Variants in TSHR observed in about 807,000 individuals in gnomAD.
The protein encoded by TSHR is thyrotropin receptor.
Under a neutral mutation model 64.1 loss-of-function variants are expected in TSHR, and 51 were observed. That is an observed-to-expected ratio of 0.80 (90% CI 0.64 to 1.01). TSHR has a LOEUF of 1.01. Among genes scored for constraint, TSHR ranks in the 50% least tolerant of loss-of-function variants. The pLI is 0.00. For missense variants in TSHR, 877 were observed against 942.8 expected (o/e 0.93, Z 0.91); for synonymous variants, 361 against 361.9 (o/e 1.00, Z 0.03).
At chr14:81,047,885 A>C (rs1594998401) in intron 1 of TSHR, among the ~76,000 whole-genome samples, 1 of 152,032 alleles carries the variant, frequency 6.6e-6, no homozygotes, top group Non-Finnish European at 1.5e-5. Context: ...TGACCTCATG[A>C]TCCACCCACC....
chr14:80,967,686 G>A (rs1252419263), intron 1 of TSHR, among the ~76,000 whole-genome samples: 1 of 152,194 alleles, frequency 6.6e-6, no homozygotes, highest in African/African-American at 2.4e-5. Flanking sequence ...AGGGAATGTG[G>A]TAAGAAATTT....
chr14:81,037,908 G>A (rs1884728435), intron 1 of TSHR, among the ~76,000 whole-genome samples: 1 of 145,876 alleles, frequency 6.9e-6, no homozygotes, highest in Non-Finnish European at 1.5e-5. Context: ...TTCAGCAATA[G>A]ATAGATCATC....
intron 8 of TSHR, among the ~76,000 whole-genome samples, chr14:81,135,374 A>T (rs1891412832): frequency 1.3e-5 from 2 of 152,226 alleles, no homozygotes; most frequent in South Asian, 4.1e-4. Flanking sequence ...TAGAAAGGAC[A>T]TTCTTTCCTA....
intron 7 of TSHR, among the ~76,000 whole-genome samples, chr14:81,102,212 A>G (rs888148633): frequency 3.3e-5 from 5 of 151,486 alleles, no homozygotes; most frequent in African/African-American, 1.2e-4. Flanking sequence ...AGTGAATGAG[A>G]CAATATTATT....
At chr14:81,105,341 T>TC in intron 7 of TSHR, 11 of 666,460 alleles carry the variant, frequency 1.7e-5, no homozygotes, top group South Asian at 6.7e-5. Flanking sequence ...TGACTTCAGA[T>TC]GGAAGGCAAG....
intron 3 of TSHR, among the ~76,000 whole-genome samples, chr14:81,069,849 T>C (rs1886932483): frequency 6.6e-6 from 1 of 152,104 alleles, no homozygotes. Flanking sequence ...CCATAGGAAG[T>C]TCAAATATTG....
At chr14:81,100,127 T>C (rs1889482130) in intron 7 of TSHR, among the ~76,000 whole-genome samples, 1 of 152,232 alleles carries the variant, frequency 6.6e-6, no homozygotes, top group Admixed American at 6.5e-5. Context: ...TTCAACTCTC[T>C]TTCCATAGTA....
chr14:81,114,361 A>C (rs930053551), intron 8 of TSHR, among the ~76,000 whole-genome samples: 7 of 152,218 alleles, frequency 4.6e-5, no homozygotes, highest in South Asian at 2.1e-4. Context: ...GCATTGCCTC[A>C]CTCCAGAAGC....
intron 3 of TSHR, among the ~76,000 whole-genome samples, chr14:81,069,992 T>A (rs1595046737): frequency 6.6e-6 from 1 of 152,138 alleles, no homozygotes; most frequent in East Asian, 1.9e-4. Context: ...CAATAAAACA[T>A]CTAAATACAT....
intron 3 of TSHR, among the ~76,000 whole-genome samples, chr14:81,069,799 C>CAAAAA (rs999013680): frequency 6.6e-6 from 1 of 151,360 alleles, no homozygotes; most frequent in Admixed American, 6.6e-5. Context: ...GTTTGTGGGG[C>CAAAAA]AAAAAAATCA....
At chr14:81,125,478 C>G (rs1488381883) in intron 8 of TSHR, among the ~76,000 whole-genome samples, 2 of 152,120 alleles carry the variant, frequency 1.3e-5, no homozygotes, top group African/African-American at 4.8e-5. Flanking sequence ...CGCCTCAGCC[C>G]TGACTATATT....
chr14:81,083,259 A>C (rs1595074929), intron 3 of TSHR, among the ~76,000 whole-genome samples: 1 of 152,320 alleles, frequency 6.6e-6, no homozygotes, highest in East Asian at 1.9e-4. Flanking sequence ...AGGGGAAGAA[A>C]AAAAACCCAG....
intron 1 of TSHR, among the ~76,000 whole-genome samples, chr14:80,986,918 T>A (rs914850422): frequency 6.6e-6 from 1 of 152,258 alleles, no homozygotes; most frequent in Non-Finnish European, 1.5e-5. Flanking sequence ...TTGCACAAAG[T>A]CCACCACATT....
At chr14:81,032,085 A>C (rs1594975829) in intron 1 of TSHR, among the ~76,000 whole-genome samples, 1 of 152,016 alleles carries the variant, frequency 6.6e-6, no homozygotes, top group Non-Finnish European at 1.5e-5. Flanking sequence ...GAGAACATAG[A>C]TAGACATTTC....
chr14:81,109,306 G>A (rs1890119312), intron 8 of TSHR, among the ~76,000 whole-genome samples: 1 of 151,930 alleles, frequency 6.6e-6, no homozygotes, highest in Admixed American at 6.5e-5. Context: ...CTACTTGGGA[G>A]GCCGAGGCAG....
chr14:81,022,026 G>T (rs1406495967), intron 1 of TSHR, among the ~76,000 whole-genome samples: 1 of 151,778 alleles, frequency 6.6e-6, no homozygotes, highest in African/African-American at 2.4e-5. Flanking sequence ...ACTTTGGGAG[G>T]CGGAAGTGGG....
intron 1 of TSHR, chr14:80,983,711 T>C (rs1888292257): frequency 2.1e-6 from 1 of 486,114 alleles, no homozygotes; most frequent in African/African-American, 2.0e-5. Flanking sequence ...AAGAGCCTTG[T>C]ATCATATTTG....
At chr14:81,134,982 A>G (rs979695306) in intron 8 of TSHR, among the ~76,000 whole-genome samples, 1 of 152,238 alleles carries the variant, frequency 6.6e-6, no homozygotes, top group Admixed American at 6.5e-5. Flanking sequence ...TGACCAAAGA[A>G]TAAGAATTTG....
chr14:81,133,143 T>C (rs1389908549), intron 8 of TSHR, among the ~76,000 whole-genome samples: 2 of 152,202 alleles, frequency 1.3e-5, no homozygotes, highest in Non-Finnish European at 2.9e-5. Context: ...ACAGTAGTGA[T>C]TAAAAGTTAA....
Sources: allele counts gnomAD v4.1 joint callset (sites outside exome capture counted in the v4.1 genomes callset), GRCh38; gene constraint gnomAD v4.1.1; transcripts MANE v1.5; gene names NCBI Gene and HGNC (gene_info 2026-07-23, HGNC 2026-07-21).